The following NEK10 variants were observed in gnomAD, a reference collection of about 807,000 sequenced individuals.
NEK10 encodes serine/threonine-protein kinase Nek10.
A neutral mutation model predicts 159.8 loss-of-function variants in NEK10; 122 were observed. The observed-to-expected ratio is 0.76, with a 90% CI of 0.66 to 0.89. The LOEUF is 0.89. NEK10 is among the 40% of genes least tolerant of loss of function. The pLI is 0.00. For synonymous variants in NEK10, 466 were observed against 457.1 expected (o/e 1.02, Z -0.25); for missense variants, 1,342 against 1,323.1 (o/e 1.01, Z -0.22).
At position 27,131,765 on chromosome 3, in the gene NEK10, A is replaced by G. The variant is rs191742350; in HGVS notation, c.3081+115T>C. 8.6e-3 allele frequency: 3,988 copies of G among 465,262 alleles called. 53 individuals are homozygous for G. Among genetic ancestry groups the G allele is most frequent in the Middle Eastern group, 0.036 (63 of 1,770 alleles). 28.8% of individuals were successfully genotyped at this position (465,262 alleles called of 1,614,324 possible). A position where few individuals can be genotyped will look rare whatever the true frequency, so the allele number is the denominator to read the frequency against. On this transcript the variant is annotated intron_variant, in intron 32 of 35. Coordinates refer to ENST00000691995, the MANE Select transcript of NEK10 (RefSeq NM_001394966.1). Reference sequence around the variant, plus strand: ...CCTCAATTTAGTATGTAAAGCAGCAATAAGAAACTTTAATAGAGGATAGAG... The same window carrying G: ...CCTCAATTTAGTATGTAAAGCAGCAGTAAGAAACTTTAATAGAGGATAGAG...
chr3:27,164,230 G>C (rs1053908124), intron 29 of NEK10, among the ~76,000 whole-genome samples: 1 of 152,184 alleles, frequency 6.6e-6, no homozygotes, highest in East Asian at 1.9e-4. Flanking sequence ...TTTGAAAAGA[G>C]GCATGATGAC....
intron 31 of NEK10, among the ~76,000 whole-genome samples, chr3:27,136,103 A>ATTTTTTT (rs775843715): frequency 1.6e-5 from 1 of 60,678 alleles, no homozygotes. Flanking sequence ...TAGGAGATCG[A>ATTTTTTT]TTTTTTTTTT....
At chr3:27,309,751 G>C (rs990213971) in intron 9 of NEK10, 1 of 152,108 alleles carries the variant, frequency 6.6e-6, no homozygotes, top group Non-Finnish European at 1.5e-5. Flanking sequence ...ATTATGAAAC[G>C]ATTTTTCAAC....
At chr3:27,265,510 G>T (rs574469600) in intron 22 of NEK10, 1 of 152,206 alleles carries the variant, frequency 6.6e-6, no homozygotes, top group South Asian at 2.1e-4. Context: ...GTTTTGATTT[G>T]CATTTCCTTA....
chr3:27,182,092 C>T (rs187840235), intron 26 of NEK10, among the ~76,000 whole-genome samples: 3 of 152,062 alleles, frequency 2.0e-5, no homozygotes, highest in East Asian at 1.9e-4. Flanking sequence ...TACAGAGTTT[C>T]GGTGAGATGG....
intron 5 of NEK10, among the ~76,000 whole-genome samples, chr3:27,341,897 T>C (rs2047225276): frequency 6.6e-6 from 1 of 152,184 alleles, no homozygotes; most frequent in Non-Finnish European, 1.5e-5. Context: ...AGGGCAAAAT[T>C]GAGTAGCATA....
At chr3:27,276,658 A>C (rs1038053567) in intron 22 of NEK10, among the ~76,000 whole-genome samples, 1 of 152,218 alleles carries the variant, frequency 6.6e-6, no homozygotes, top group African/African-American at 2.4e-5. Flanking sequence ...ATCTCTGCCA[A>C]TGGCAGAGCA....
intron 5 of NEK10, 131 bp from the exon 6 acceptor site, chr3:27,322,392 T>G (rs1421675447): frequency 1.6e-6 from 1 of 635,348 alleles, no homozygotes; most frequent in Non-Finnish European, 2.9e-6. Context: ...GGACTGTTAT[T>G]TGGTACTTGA....
At chr3:27,344,649 T>C (rs1228350870) in intron 4 of NEK10, among the ~76,000 whole-genome samples, 1 of 152,206 alleles carries the variant, frequency 6.6e-6, no homozygotes, top group Non-Finnish European at 1.5e-5. Context: ...ATTAAATTAT[T>C]CCCTATAAAC....
rs938602340 is a variant in NEK10, at chr3:27,311,007, T to C, written c.578A>G (p.Gln193Arg). ...DKLVNMTYIF[Q>R]KLAAVKDQRE... ...TTGATCTTTGACTGCAGCAAGTTTT[T>C]GAAAAATATCTATAAAGGAAAGAAA... is the stretch of plus-strand genomic sequence containing the variant. Residue 193 changes from glutamine to arginine, a missense_variant, in exon 9 of 36, where the codon CAA becomes CGA. Coordinates refer to ENST00000691995, the MANE Select transcript of NEK10 (RefSeq NM_001394966.1). 6.2e-7 allele frequency: 1 copy of C among 1,609,044 alleles called. No individual in the cohort carries two copies. The highest frequency in any genetic ancestry group is 1.3e-5 in the African/African-American group (1 of 74,896).
rs186193957 is a variant in NEK10, at chr3:27,328,012, G to A, written c.363-5751C>T. Reference sequence around the variant, plus strand: ...TAGGGAATTCTCACTGACTTATTTTGCTATTCTTAACAGGTCTTTGTTCTT... The same window carrying A: ...TAGGGAATTCTCACTGACTTATTTTACTATTCTTAACAGGTCTTTGTTCTT... On this transcript the variant is annotated intron_variant, in intron 5 of 35. Transcript: ENST00000691995. Among the ~76,000 whole-genome samples, 298 of 150,992 alleles carry A rather than the reference G, an allele frequency of 2.0e-3. 1 individual carries two copies. Among genetic ancestry groups the A allele is most frequent in the African/African-American group, 7.1e-3 (291 of 41,142 alleles).
At chr3:27,159,682 C>T (rs548363513) in intron 30 of NEK10, among the ~76,000 whole-genome samples, 38 of 151,690 alleles carry the variant, frequency 2.5e-4, no homozygotes, top group Non-Finnish European at 4.6e-4. Context: ...ATTATTGATA[C>T]AATTTAGTAA....
At chr3:27,191,384 T>C (rs909411370) in intron 26 of NEK10, among the ~76,000 whole-genome samples, 1 of 151,712 alleles carries the variant, frequency 6.6e-6, no homozygotes, top group Non-Finnish European at 1.5e-5. Context: ...ACACTGATTG[T>C]GATTGCAACA....
At chr3:27,195,416 C>T (rs1949476909) in intron 25 of NEK10, among the ~76,000 whole-genome samples, 1 of 152,154 alleles carries the variant, frequency 6.6e-6, no homozygotes, top group Admixed American at 6.5e-5. Flanking sequence ...GCATATAATT[C>T]ATGATTGATT....
intron 5 of NEK10, among the ~76,000 whole-genome samples, chr3:27,340,729 G>A (rs2047144843): frequency 6.6e-6 from 1 of 152,172 alleles, no homozygotes; most frequent in Non-Finnish European, 1.5e-5. Flanking sequence ...GTGGATAAGA[G>A]GGAACTCATA....
chr3:27,321,222 T>C (rs984050173), intron 6 of NEK10, among the ~76,000 whole-genome samples: 23 of 152,074 alleles, frequency 1.5e-4, no homozygotes, highest in African/African-American at 4.6e-4. Flanking sequence ...TAAAGCACTA[T>C]GTCTTTGCTA....
chr3:27,314,222 C>T, intron 7 of NEK10, 75 bp downstream of exon 7: 1 of 1,046,878 alleles, frequency 9.6e-7, no homozygotes, highest in African/African-American at 1.6e-5. Context: ...CCTTCTGTCA[C>T]ATACCCTTTT....
At chr3:27,360,940 TG>T (rs2048641687) in intron 1 of NEK10, among the ~76,000 whole-genome samples, 1 of 152,192 alleles carries the variant, frequency 6.6e-6, no homozygotes, top group South Asian at 2.1e-4. Context: ...AACAAGCACT[TG>T]GGGATAAAAA....
chr3:27,188,081 C>T (rs1480310628), intron 26 of NEK10, among the ~76,000 whole-genome samples: 1 of 152,136 alleles, frequency 6.6e-6, no homozygotes, highest in Non-Finnish European at 1.5e-5. Context: ...AAAACAATTC[C>T]ATTTCTAAGT....
Sources: gnomAD v4.1 joint callset for allele counts (sites outside exome capture counted in the v4.1 genomes callset) on GRCh38, gnomAD v4.1.1 for gene constraint, MANE v1.5 for transcripts, NCBI Gene and HGNC (gene_info 2026-07-23, HGNC 2026-07-21) for gene names.